TLCD4: variants seen among roughly 807,000 people sequenced by gnomAD.
TLCD4 encodes the protein TLC domain-containing protein 4.
Under a neutral mutation model 24.2 loss-of-function variants are expected in TLCD4, and 7 were observed. The observed-to-expected ratio is 0.29, with a 90% CI of 0.16 to 0.54. The LOEUF is 0.54. Ranked by LOEUF, TLCD4 falls within the 20% of genes least tolerant of loss-of-function variation. TLCD4 has a pLI of 0.95. For missense variants in TLCD4, 259 were observed against 313.9 expected, an observed-to-expected ratio of 0.82 and a Z score of 1.32; for synonymous variants, 103 against 106.4, an observed-to-expected ratio of 0.97 and a Z score of 0.20.
the TLCD4 span, among the ~76,000 whole-genome samples, chr1:95,092,737 C>G: frequency 1.3e-5 from 2 of 152,158 alleles, no homozygotes; most frequent in South Asian, 4.1e-4. Flanking sequence ...TAACACTCAC[C>G]GCGAAGGTCC....
At chr1:95,151,302 T>C in intron 4 of TLCD4, 23 bp from the exon 5 acceptor site, 1 of 1,610,174 alleles carries the variant, frequency 6.2e-7, no homozygotes, top group Non-Finnish European at 8.5e-7. Context: ...ATGTAATACC[T>C]TACTCACTTT....
At chr1:95,152,322 G>A (rs1001455972) in intron 5 of TLCD4, among the ~76,000 whole-genome samples, 1 of 151,930 alleles carries the variant, frequency 6.6e-6, no homozygotes, top group African/African-American at 2.4e-5. Flanking sequence ...GTTATTCCAA[G>A]TAAAGCTAAC....
At position 95,192,066 on chromosome 1, in the gene TLCD4, GT is replaced by G; in HGVS notation, c.*199del. 10 of 1,292,384 alleles carry G rather than the reference GT, an allele frequency of 7.7e-6. No homozygotes were observed. Among genetic ancestry groups the G allele is most frequent in the Non-Finnish European group, 1.0e-5 (10 of 992,518 alleles). 80.1% of individuals were successfully genotyped at this position (1,292,384 alleles called of 1,614,324 possible). On this transcript the variant is annotated 3_prime_UTR_variant, in exon 7 of 7. Transcript: ENST00000370203. ...AATCCCAGCACTTTGGGAGGCCAAG[GT>G]GGGTCGATCACTGAGGTCAGGAGTT... is the stretch of plus-strand genomic sequence containing the variant.
intron 6 of TLCD4, among the ~76,000 whole-genome samples, chr1:95,189,182 TA>T (rs947087769): frequency 1.3e-5 from 2 of 152,182 alleles, no homozygotes; most frequent in African/African-American, 4.8e-5. Flanking sequence ...GATATACATG[TA>T]TAATGGTTTC....
At chr1:95,143,296 C>T (rs1677256000) in intron 1 of TLCD4, among the ~76,000 whole-genome samples, 1 of 152,130 alleles carries the variant, frequency 6.6e-6, no homozygotes, top group Non-Finnish European at 1.5e-5. Flanking sequence ...TGCCTCCAGA[C>T]CCTATTGTCT....
intron 1 of TLCD4, among the ~76,000 whole-genome samples, chr1:95,124,995 A>C (rs139727394): frequency 6.6e-5 from 10 of 152,334 alleles, no homozygotes; most frequent in African/African-American, 2.4e-4. Context: ...AAACTTGTTA[A>C]TAGGTTATAC....
At chr1:95,147,762 T>TGAAAA (rs71097250) in intron 2 of TLCD4, among the ~76,000 whole-genome samples, 23,316 of 152,060 alleles carry the variant, frequency 0.15, 1,914 homozygotes, top group Non-Finnish European at 0.18. Context: ...TTTATCCTAA[T>TGAAAA]GAAGTTTCAT....
intron 5 of TLCD4, among the ~76,000 whole-genome samples, chr1:95,155,389 T>G (rs1677603823): frequency 6.6e-6 from 1 of 152,172 alleles, no homozygotes; most frequent in African/African-American, 2.4e-5. Flanking sequence ...GACACCACAC[T>G]AACCATAAAT....
At chr1:95,162,940 T>C (rs11589408) in intron 5 of TLCD4, among the ~76,000 whole-genome samples, 67,441 of 152,054 alleles carry the variant, frequency 0.44, 16,428 homozygotes, top group Middle Eastern at 0.58. Flanking sequence ...TAACATTTTT[T>C]CCTTCATTTC....
chr1:95,127,272 C>G (rs1025514575), intron 1 of TLCD4, among the ~76,000 whole-genome samples: 2 of 152,148 alleles, frequency 1.3e-5, no homozygotes, highest in Non-Finnish European at 2.9e-5. Flanking sequence ...ATACCACTTC[C>G]TTTCCTGTGG....
chr1:95,115,455 G>GA (rs1184417420), upstream of TLCD4, among the ~76,000 whole-genome samples: 1 of 152,058 alleles, frequency 6.6e-6, no homozygotes, highest in Non-Finnish European at 1.5e-5. Context: ...AATTTTTCAG[G>GA]AAAAAATACA....
At chr1:95,122,211 T>C (rs1676589065) in intron 1 of TLCD4, among the ~76,000 whole-genome samples, 2 of 152,088 alleles carry the variant, frequency 1.3e-5, no homozygotes, top group African/African-American at 4.8e-5. Flanking sequence ...AATACAAAAA[T>C]TAGCCACACA....
chr1:95,197,574 A>G lies in TLCD4; in HGVS notation c.*5706A>G, dbSNP rs1172458224. 6.6e-6 allele frequency: 1 copy of G among 152,232 alleles called. No homozygotes were observed. Among genetic ancestry groups the G allele is most frequent in the African/African-American group, 2.4e-5 (1 of 41,460 alleles). The allele number at this position is 152,232 out of a possible 1,614,324, so 9.4% of individuals were successfully genotyped here. ...GTGCAAAGCTTTGTATTTTGTGGAA[A>G]AAAACAATAAAATCACAATTATTTA... On this transcript the variant is annotated 3_prime_UTR_variant, in exon 7 of 7. Coordinates refer to ENST00000370203, the MANE Select transcript of TLCD4 (RefSeq NM_152487.3).
the TLCD4 span, among the ~76,000 whole-genome samples, chr1:95,104,123 A>T: frequency 2.6e-5 from 4 of 152,196 alleles, no homozygotes; most frequent in Non-Finnish European, 5.9e-5. Context: ...ATTGCTTAGG[A>T]TAAAGAAGGA....
At chr1:95,117,047 A>AT (rs1004817586), upstream of TLCD4, among the ~76,000 whole-genome samples, 2 of 152,186 alleles carry the variant, frequency 1.3e-5, no homozygotes, top group Admixed American at 6.5e-5. Flanking sequence ...ATTTAAGAAG[A>AT]TTTTTTGTTA....
In TLCD4 at chr1:95,137,297, T is replaced by C. The variant is rs1020347700; in HGVS notation, c.-11-6594T>C. 6.6e-5 allele frequency among the ~76,000 whole-genome samples: 10 copies of C among 152,152 alleles called. No individual in the cohort carries two copies. In the South Asian group the frequency reaches 1.0e-3, roughly 16 times the overall value. ...AGCTTGCCAGGGATGGGAAAAGGAA[T>C]GCTAAGCATAATTGGGGCATTCTTC... On this transcript the variant is annotated intron_variant, in intron 1 of 6. Coordinates refer to ENST00000370203, the MANE Select transcript of TLCD4 (RefSeq NM_152487.3).
chr1:95,165,028 G>A (rs1677965689), intron 5 of TLCD4: 1 of 152,178 alleles, frequency 6.6e-6, no homozygotes, highest in Non-Finnish European at 1.5e-5. Context: ...CCTGCTCCAG[G>A]AGTTTGCTGT....
Position 95,143,951 on chromosome 1 carries a change from T to C in TLCD4, c.50T>C (p.Phe17Ser). 1 of 1,568,082 alleles carries C rather than the reference T, an allele frequency of 6.4e-7. No individual in the cohort carries two copies. Among genetic ancestry groups the C allele is most frequent in the African/African-American group, 1.4e-5 (1 of 72,814 alleles). Reference sequence around the variant, plus strand: ...ATCAGTGTTACCTGTATCAGCTTTTTCACCTTTCAGCTTCTTTTCTACTTT... The same window carrying C: ...ATCAGTGTTACCTGTATCAGCTTTTCCACCTTTCAGCTTCTTTTCTACTTT... ...LLISVTCISF[F>S]TFQLLFYFVS... The change falls in exon 2 of 7, where the codon TTC (phenylalanine) becomes TCC (serine). Residue 17 changes from phenylalanine (F) to serine (S), a missense_variant. Coordinates refer to ENST00000370203, the MANE Select transcript of TLCD4 (RefSeq NM_152487.3).
At chr1:95,146,329 C>T (rs534704138) in intron 2 of TLCD4, among the ~76,000 whole-genome samples, 1 of 152,200 alleles carries the variant, frequency 6.6e-6, no homozygotes, top group South Asian at 2.1e-4. Context: ...TACTTATATT[C>T]ACTTTCTTAC....
Sources: allele counts gnomAD v4.1 joint callset (sites outside exome capture counted in the v4.1 genomes callset), GRCh38; gene constraint gnomAD v4.1.1; transcripts MANE v1.5; gene names NCBI Gene and HGNC (gene_info 2026-07-23, HGNC 2026-07-21).